The following OSBP2 variants were observed in gnomAD, a reference collection of about 807,000 sequenced individuals.
OSBP2 encodes oxysterol-binding protein 2.
In OSBP2, 66 loss-of-function variants were observed where a neutral mutation model predicts 96.0. That is an observed-to-expected ratio of 0.69 (90% CI 0.56 to 0.84). OSBP2 has a LOEUF of 0.84. OSBP2 is among the 40% of genes least tolerant of loss of function. OSBP2 has a pLI of 0.00. For missense variants in OSBP2, 1,038 were observed against 1,222.7 expected, an observed-to-expected ratio of 0.85 and a Z score of 2.25; for synonymous variants, 525 against 520.9, an observed-to-expected ratio of 1.01 and a Z score of -0.11.
intron 2 of OSBP2, among the ~76,000 whole-genome samples, chr22:30,741,947 G>T (rs920800933): frequency 1.3e-5 from 2 of 151,884 alleles, no homozygotes; most frequent in Non-Finnish European, 2.9e-5. Context: ...AGCCTCCCAA[G>T]TAGCTGGGAT....
chr22:30,745,564 G>A (rs1160971166), intron 2 of OSBP2, among the ~76,000 whole-genome samples: 2 of 151,640 alleles, frequency 1.3e-5, no homozygotes, highest in Non-Finnish European at 2.9e-5. Flanking sequence ...CTACTCAAGA[G>A]GCTGAGGCAG....
chr22:30,815,103 G>A (rs1224064495), intron 2 of OSBP2, among the ~76,000 whole-genome samples: 2 of 152,184 alleles, frequency 1.3e-5, no homozygotes, highest in Non-Finnish European at 2.9e-5. Context: ...GCAACGTGGT[G>A]AAACCCCATC....
chr22:30,802,460 T>C (rs941975840), intron 2 of OSBP2, among the ~76,000 whole-genome samples: 1 of 152,186 alleles, frequency 6.6e-6, no homozygotes, highest in East Asian at 1.9e-4. Context: ...GCTGGAGCCG[T>C]GGACCATCCG....
chr22:30,721,336 ATGGGGGCCCAGAAGAC>A (rs1275550769), intron 1 of OSBP2, among the ~76,000 whole-genome samples: 1 of 152,216 alleles, frequency 6.6e-6, no homozygotes, highest in African/African-American at 2.4e-5. Context: ...ACTGGGTGCT[ATGGGGGCCCAGAAGAC>A]TAGCTGCCCC....
At chr22:30,904,691 T>A (rs555881340) in intron 12 of OSBP2, among the ~76,000 whole-genome samples, 1 of 152,272 alleles carries the variant, frequency 6.6e-6, no homozygotes, top group South Asian at 2.1e-4. Flanking sequence ...TTATACAACC[T>A]TGCACTCAAC....
At position 30,890,562 on chromosome 22, in the gene OSBP2, G is replaced by C. The variant is rs571080306; in HGVS notation, c.1624-166G>C. On this transcript the variant is annotated intron_variant, in intron 7 of 13. Coordinates refer to ENST00000332585, the MANE Select transcript of OSBP2 (RefSeq NM_030758.4). The surrounding 1 kb of genome is among the most constrained non-coding windows in gnomAD (Gnocchi z 4.4). ...TGGAGAAAACAGCCAGGAGGGGCCA[G>C]GGAGGTGATGGCTTGGGGGCCACAC... Among the ~76,000 whole-genome samples the C allele has an allele frequency of 1.3e-5, 2 of 152,370 alleles. No individual in the cohort carries two copies. The highest frequency in any genetic ancestry group is 3.9e-4 in the East Asian group (2 of 5,190).
chr22:30,713,422 G>A (rs948987260), intron 1 of OSBP2, among the ~76,000 whole-genome samples: 8 of 151,338 alleles, frequency 5.3e-5, no homozygotes, highest in African/African-American at 9.7e-5. Context: ...CCTAACATGG[G>A]TTGGGAACCA....
At chr22:30,861,489 T>A (rs2039209992) in intron 2 of OSBP2, among the ~76,000 whole-genome samples, 1 of 152,182 alleles carries the variant, frequency 6.6e-6, no homozygotes. Context: ...CCCCGAGAAC[T>A]GAGATGACAC....
At chr22:30,785,991 A>G (rs1012224581) in intron 2 of OSBP2, among the ~76,000 whole-genome samples, 4 of 151,586 alleles carry the variant, frequency 2.6e-5, no homozygotes, top group Admixed American at 6.6e-5. Context: ...GTATCTTTAT[A>G]GCAATATGAG....
intron 11 of OSBP2, 32 bp from the exon 12 acceptor site, chr22:30,893,785 T>C (rs1311045840): frequency 6.2e-7 from 1 of 1,607,320 alleles, no homozygotes; most frequent in East Asian, 2.2e-5. Flanking sequence ...GGGCAGAGTC[T>C]GCACCTACGC....
chr22:30,907,141 G>A lies in OSBP2; in HGVS notation c.*802G>A, dbSNP rs2040350583. 2 of 152,616 alleles carry A rather than the reference G, an allele frequency of 1.3e-5. No individual in the cohort carries two copies. Among genetic ancestry groups the A allele is most frequent in the Admixed American group, 1.3e-4 (2 of 15,272 alleles). The allele number at this position is 152,616 out of a possible 1,614,324, so 9.5% of individuals were successfully genotyped here. ...GAGGCCAGGAAGGGCTGGAAGGCAG[G>A]GCCTGCAGGTGCTCCCCGCCCTGAG... On this transcript the variant is annotated 3_prime_UTR_variant, in exon 14 of 14. Coordinates refer to ENST00000332585, the MANE Select transcript of OSBP2 (RefSeq NM_030758.4).
Position 30,890,686 on chromosome 22 carries a change from G to A in OSBP2, c.1624-42G>A, listed in dbSNP as rs781651570. 5.3e-5 allele frequency: 85 copies of A among 1,600,894 alleles called. No homozygotes were observed. Among genetic ancestry groups the A allele is most frequent in the Non-Finnish European group, 6.4e-5 (75 of 1,175,038 alleles). ...AAAAGCAAGGGCACCATGCCAAGCC[G>A]GGGCTGGTGCCCAGCCTGACCACCC... On this transcript the variant is annotated intron_variant, in intron 7 of 13. Coordinates refer to ENST00000332585, the MANE Select transcript of OSBP2 (RefSeq NM_030758.4). The surrounding 1 kb of genome is among the most constrained non-coding windows in gnomAD (Gnocchi z 4.4).
chr22:30,854,946 C>G (rs2039050902), intron 2 of OSBP2, among the ~76,000 whole-genome samples: 1 of 149,246 alleles, frequency 6.7e-6, no homozygotes, highest in Admixed American at 6.7e-5. Flanking sequence ...ATGGCAGCAG[C>G]AAGGAGAACA....
At chr22:30,803,415 C>T (rs909698075) in intron 2 of OSBP2, among the ~76,000 whole-genome samples, 1 of 152,224 alleles carries the variant, frequency 6.6e-6, no homozygotes, top group African/African-American at 2.4e-5. Flanking sequence ...CAGACAGTCA[C>T]AAGGCATGTC....
chr22:30,899,124 T>C (rs2040133414), intron 12 of OSBP2, among the ~76,000 whole-genome samples: 1 of 152,142 alleles, frequency 6.6e-6, no homozygotes. Flanking sequence ...CTCATGCTTA[T>C]AATCCCAGCA....
At chr22:30,828,277 A>G (rs916424171) in intron 2 of OSBP2, among the ~76,000 whole-genome samples, 1 of 152,234 alleles carries the variant, frequency 6.6e-6, no homozygotes, top group Non-Finnish European at 1.5e-5. Context: ...TCTGGCCAAC[A>G]GTGTCTGTCA....
chr22:30,739,883 A>C (rs568151494), intron 1 of OSBP2, among the ~76,000 whole-genome samples: 119 of 152,124 alleles, frequency 7.8e-4, no homozygotes, highest in African/African-American at 2.5e-3. Context: ...TCTGTAGCCC[A>C]GGCTGGAGTG....
chr22:30,731,915 C>A (rs2089786243), intron 1 of OSBP2, among the ~76,000 whole-genome samples: 1 of 152,222 alleles, frequency 6.6e-6, no homozygotes, highest in Admixed American at 6.5e-5. Context: ...CCACTCTCCG[C>A]CAGCACTCTG....
chr22:30,821,846 A>G (rs1444581360), intron 2 of OSBP2, among the ~76,000 whole-genome samples: 1 of 152,246 alleles, frequency 6.6e-6, no homozygotes, highest in African/African-American at 2.4e-5. Context: ...TTTATTAGAA[A>G]CAGCTCCTTT....
Sources: gnomAD v4.1 joint callset for allele counts (sites outside exome capture counted in the v4.1 genomes callset) on GRCh38, gnomAD v4.1.1 for gene constraint, Gnocchi (gnomAD v3.1) non-coding constraint, MANE v1.5 for transcripts, NCBI Gene and HGNC (gene_info 2026-07-23, HGNC 2026-07-21) for gene names.